Variants in DOCK9 observed in about 807,000 individuals in gnomAD.
DOCK9 encodes dedicator of cytokinesis protein 9.
Under a neutral mutation model 263.3 loss-of-function variants are expected in DOCK9, and 89 were observed. The observed-to-expected ratio is 0.34, with a 90% CI of 0.28 to 0.40. DOCK9 has a LOEUF of 0.40. DOCK9 is among the 10% of genes least tolerant of loss of function. The pLI, the probability that DOCK9 is intolerant of heterozygous loss-of-function variation, is 1.00. For synonymous variants in DOCK9, 976 were observed against 973.1 expected (o/e 1.00, Z -0.06); for missense variants, 2,140 against 2,603.4 (o/e 0.82, Z 3.87).
intron 20 of DOCK9, 114 bp from the exon 21 acceptor site, chr13:98,885,206 A>T (rs1463167582): frequency 7.1e-7 from 1 of 1,416,978 alleles, no homozygotes; most frequent in South Asian, 1.4e-5. Context: ...TATCAATTAG[A>T]GTAAGAAATT....
At chr13:99,015,479 C>G in intron 1 of DOCK9, 1 of 1,597,130 alleles carries the variant, frequency 6.3e-7, no homozygotes, top group East Asian at 2.2e-5. Flanking sequence ...TCTGAATCTT[C>G]TTTTGTCCAA....
In DOCK9 at chr13:98,915,633, C is replaced by T. The variant is rs567957727; in HGVS notation, c.718-130G>A. On this transcript the variant is annotated intron_variant, in intron 7 of 52. Transcript: ENST00000682017. ...CCAAGCTATTTTAAATAGCTTGCCC[C>T]CTCCTCATGAAAGCCCCCCCCCATG... 1.4e-5 allele frequency: 12 copies of T among 839,394 alleles called. No homozygotes were observed. The African/African-American group carries it at 2.0e-4, about 14-fold the overall frequency. The allele number at this position is 839,394 out of a possible 1,614,324, so 52.0% of individuals were successfully genotyped here.
intron 1 of DOCK9, among the ~76,000 whole-genome samples, chr13:99,048,940 T>C (rs571694613): frequency 6.3e-4 from 96 of 152,318 alleles, no homozygotes; most frequent in Non-Finnish European, 1.1e-3. Flanking sequence ...GTACAAATAA[T>C]GAATATAATA....
At chr13:98,866,741 A>G (rs959683472) in intron 30 of DOCK9, among the ~76,000 whole-genome samples, 17 of 152,236 alleles carry the variant, frequency 1.1e-4, no homozygotes, top group Non-Finnish European at 1.9e-4. Context: ...GATTACTGCC[A>G]CCACTATGGA....
At chr13:98,818,151 G>A (rs1421115698) in intron 45 of DOCK9, among the ~76,000 whole-genome samples, 1 of 152,144 alleles carries the variant, frequency 6.6e-6, no homozygotes, top group Non-Finnish European at 1.5e-5. Context: ...GTAGAGTGTG[G>A]ATTACTGAAC....
chr13:98,877,016 C>T (rs912213480), intron 27 of DOCK9, among the ~76,000 whole-genome samples: 3 of 152,230 alleles, frequency 2.0e-5, no homozygotes, highest in Non-Finnish European at 1.5e-5. Flanking sequence ...ATATAATTAA[C>T]TTACAGAAAA....
chr13:98,868,408 T>C (rs2094101702), intron 27 of DOCK9, 31 bp from the exon 28 acceptor site: 15 of 1,580,408 alleles, frequency 9.5e-6, no homozygotes, highest in Admixed American at 1.8e-5. Context: ...ACATTTATTA[T>C]TTATTAAGTT....
chr13:98,811,093 C>G (rs1351482167), intron 45 of DOCK9, among the ~76,000 whole-genome samples: 2 of 152,136 alleles, frequency 1.3e-5, no homozygotes, highest in East Asian at 3.8e-4. Flanking sequence ...CTTCTGCTGC[C>G]CAGCAAAGTG....
intron 1 of DOCK9, among the ~76,000 whole-genome samples, chr13:98,993,411 G>GA (rs1282673108): frequency 1.3e-5 from 2 of 152,200 alleles, no homozygotes; most frequent in Non-Finnish European, 2.9e-5. Flanking sequence ...TGAGAGGTAG[G>GA]AAATTTTTTA....
intron 1 of DOCK9, among the ~76,000 whole-genome samples, chr13:99,053,947 G>T (rs2040812647): frequency 6.6e-6 from 1 of 152,202 alleles, no homozygotes; most frequent in Admixed American, 6.5e-5. Flanking sequence ...GGCTGAGTTA[G>T]TCTGACTACC....
intron 1 of DOCK9, among the ~76,000 whole-genome samples, chr13:99,085,909 G>A (rs1381612001): frequency 6.6e-6 from 1 of 152,094 alleles, no homozygotes; most frequent in African/African-American, 2.4e-5. Flanking sequence ...ACAGAAAGCA[G>A]GTAAATTGGG....
intron 35 of DOCK9, among the ~76,000 whole-genome samples, chr13:98,851,948 A>G (rs1382851672): frequency 1.3e-5 from 2 of 152,200 alleles, no homozygotes; most frequent in East Asian, 3.8e-4. Context: ...AAATTGAGAG[A>G]AAAATATATT....
In DOCK9 at chr13:98,829,555, G is replaced by A; in HGVS notation, c.4750-33C>T. ...AAGGGTGGAAGAGGAAAGGACACATGGCTTCCTCTGTTTGCTGCCTGTCCA... is the reference window on the plus strand; with the variant it reads ...AAGGGTGGAAGAGGAAAGGACACATAGCTTCCTCTGTTTGCTGCCTGTCCA... On this transcript the variant is annotated intron_variant, in intron 42 of 52. Coordinates refer to ENST00000682017, the MANE Select transcript of DOCK9 (RefSeq NM_001366683.2). This position sits in a 1 kb window ranked among gnomAD's most constrained non-coding sequence, Gnocchi z 4.1. 1 of 1,593,084 alleles carries A rather than the reference G, an allele frequency of 6.3e-7. No individual in the cohort carries two copies. The highest frequency in any genetic ancestry group is 1.7e-4 in the Middle Eastern group (1 of 6,040).
Position 98,888,125 on chromosome 13 carries a change from T to A in DOCK9, c.2043+33A>T, listed in dbSNP as rs545870809. The A allele has an allele frequency of 2.7e-6, 4 of 1,462,294 alleles. No individual in the cohort carries two copies. The East Asian group carries it at 9.3e-5, about 34-fold the overall frequency. 90.6% of individuals were successfully genotyped at this position (1,462,294 alleles called of 1,614,324 possible). A position where few individuals can be genotyped will look rare whatever the true frequency, so the allele number is the denominator to read the frequency against. ...ATTTTGAAAATGGAAAAATCAGAAT[T>A]CGTAGGTGAACATATATTAAAAAAA... On this transcript the variant is annotated intron_variant, in intron 18 of 52. Coordinates refer to ENST00000682017, the MANE Select transcript of DOCK9 (RefSeq NM_001366683.2).
intron 44 of DOCK9, chr13:98,826,096 T>A (rs1340466266): frequency 4.1e-6 from 2 of 489,968 alleles, no homozygotes; most frequent in Non-Finnish European, 7.0e-6. Flanking sequence ...GTCTGTGGCC[T>A]CGGCATCTTT....
intron 1 of DOCK9, among the ~76,000 whole-genome samples, chr13:98,974,684 A>T (rs2141433854): frequency 7.8e-6 from 1 of 128,578 alleles, no homozygotes; most frequent in Non-Finnish European, 1.6e-5. Flanking sequence ...CAGGAGGCGG[A>T]GGTTACAGTG....
chr13:98,977,886 T>C lies in DOCK9; in HGVS notation c.24A>G (p.Thr8=). 6.3e-7 allele frequency: 1 copy of C among 1,597,224 alleles called. No homozygotes were observed. The highest frequency in any genetic ancestry group is 8.5e-7 in the Non-Finnish European group (1 of 1,171,020). Residue 8 remains threonine (T), a synonymous_variant, in exon 1 of 53, where the codon ACA becomes ACG. Coordinates refer to ENST00000682017, the MANE Select transcript of DOCK9 (RefSeq NM_001366683.2). ...GTTCCTTTTTGACACTTCTACTACT[T>C]GTCCTGCATTTATCAGCCTGCATTC... MQADKCR[T]SSRSVKKELV...
chr13:98,894,930 G>A (rs534460847), intron 15 of DOCK9, among the ~76,000 whole-genome samples: 1 of 118,258 alleles, frequency 8.5e-6, no homozygotes, highest in East Asian at 2.8e-4. Context: ...GCAAGATGGT[G>A]AGATATTTAG....
chr13:99,048,971 T>C (rs952399118), intron 1 of DOCK9, among the ~76,000 whole-genome samples: 3 of 152,202 alleles, frequency 2.0e-5, no homozygotes, highest in Admixed American at 6.5e-5. Context: ...GCTGAATAAG[T>C]CTGACTGTGG....
Sources: gnomAD v4.1 joint callset for allele counts (sites outside exome capture counted in the v4.1 genomes callset) on GRCh38, gnomAD v4.1.1 for gene constraint, Gnocchi (gnomAD v3.1) non-coding constraint, MANE v1.5 for transcripts, NCBI Gene and HGNC (gene_info 2026-07-23, HGNC 2026-07-21) for gene names.